The following RBFOX1 variants were observed in gnomAD, a reference collection of about 807,000 sequenced individuals.
The protein encoded by RBFOX1 is RNA binding protein fox-1 homolog 1.
RBFOX1 carries 8 observed loss-of-function variants against 57.7 expected under a neutral mutation model. The observed-to-expected ratio is 0.14, with a 90% confidence interval of 0.08 to 0.25. RBFOX1 has a LOEUF of 0.25. Ranked by LOEUF, RBFOX1 falls within the 10% of genes least tolerant of loss-of-function variation. The pLI is 1.00. For missense variants in RBFOX1, 611 were observed against 548.5 expected (o/e 1.11, Z -1.14); for synonymous variants, 326 against 222.4 (o/e 1.47, Z -4.15).
chr16:5,622,145 A>T (rs772532615), intron 3 of RBFOX1, among the ~76,000 whole-genome samples: 1 of 152,198 alleles, frequency 6.6e-6, no homozygotes. Flanking sequence ...TCAGCAACCA[A>T]TTCCACTTGG....
chr16:5,378,911 G>C (rs1321734912), intron 1 of RBFOX1, among the ~76,000 whole-genome samples: 1 of 151,408 alleles, frequency 6.6e-6, no homozygotes, highest in Non-Finnish European at 1.5e-5. Flanking sequence ...AGATTTCAAG[G>C]GCTTGGGATG....
intron 4 of RBFOX1, among the ~76,000 whole-genome samples, chr16:6,003,639 TTCC>T (rs1489965668): frequency 2.0e-5 from 3 of 152,220 alleles, no homozygotes; most frequent in Non-Finnish European, 4.4e-5. Flanking sequence ...GGTCTTTTCT[TTCC>T]TATTGGGATC....
chr16:6,161,613 A>T (rs754803314), intron 1 of RBFOX1, among the ~76,000 whole-genome samples: 66 of 152,166 alleles, frequency 4.3e-4, no homozygotes, highest in Admixed American at 9.8e-4. Context: ...TTCCATGGTG[A>T]CTTTCAAATG....
At chr16:7,064,274 T>C (rs567849531) in intron 4 of RBFOX1, among the ~76,000 whole-genome samples, 1 of 151,106 alleles carries the variant, frequency 6.6e-6, no homozygotes, top group South Asian at 2.1e-4. Context: ...GTTCAAGTAA[T>C]TGTCTTGCCT....
intron 4 of RBFOX1, among the ~76,000 whole-genome samples, chr16:5,905,190 C>T (rs1184524400): frequency 6.7e-6 from 1 of 150,284 alleles, no homozygotes; most frequent in Non-Finnish European, 1.5e-5. Context: ...GCCTCAGCCT[C>T]ACGAGTAGCT....
rs923097688 is a variant in RBFOX1, at chr16:6,553,787, T to C, written c.-63-100816T>C. Among the ~76,000 whole-genome samples the C allele has an allele frequency of 2.0e-5, 3 of 152,262 alleles. No homozygotes were observed. The East Asian group carries it at 5.8e-4, about 29-fold the overall frequency. On this transcript the variant is annotated intron_variant, in intron 2 of 15. Transcript: ENST00000550418. Reference sequence around the variant, plus strand: ...GGTGAACCAGGGAGGGACAGTTTCCTAAAGGGTAGAAGGAATTTCATGGAG... The same window carrying C: ...GGTGAACCAGGGAGGGACAGTTTCCCAAAGGGTAGAAGGAATTTCATGGAG...
intron 3 of RBFOX1, among the ~76,000 whole-genome samples, chr16:5,625,788 C>T (rs1033784511): frequency 7.2e-5 from 11 of 152,090 alleles, no homozygotes; most frequent in African/African-American, 2.4e-4. Context: ...AAACTCCTGA[C>T]CTCAGGTGAT....
intron 2 of RBFOX1, among the ~76,000 whole-genome samples, chr16:6,479,678 C>A (rs935594018): frequency 6.6e-6 from 1 of 152,064 alleles, no homozygotes; most frequent in Admixed American, 6.5e-5. Flanking sequence ...AAACTGCCCC[C>A]ATGATCCAAT....
At chr16:7,412,431 TAATAATAGGGGA>T (rs2098438615) in intron 4 of RBFOX1, among the ~76,000 whole-genome samples, 1 of 140,916 alleles carries the variant, frequency 7.1e-6, no homozygotes, top group East Asian at 2.1e-4. Flanking sequence ...AAAAAAAAGT[TAATAATAGGGGA>T]AATTGTGGAG....
At chr16:5,699,125 C>T (rs923633351) in intron 3 of RBFOX1, among the ~76,000 whole-genome samples, 3 of 151,500 alleles carry the variant, frequency 2.0e-5, no homozygotes, top group African/African-American at 4.9e-5. Flanking sequence ...GCAGCTGGGT[C>T]TATAGGTGCA....
At chr16:6,158,403 C>T (rs974010958) in intron 1 of RBFOX1, among the ~76,000 whole-genome samples, 2 of 152,142 alleles carry the variant, frequency 1.3e-5, no homozygotes, top group Non-Finnish European at 2.9e-5. Flanking sequence ...AATGGCAGCC[C>T]GTTCCAGTCT....
intron 3 of RBFOX1, among the ~76,000 whole-genome samples, chr16:6,708,890 C>G (rs949009371): frequency 1.3e-5 from 2 of 152,136 alleles, no homozygotes; most frequent in Admixed American, 6.5e-5. Context: ...TTTTCCTCTT[C>G]TCTGCTTCCC....
At chr16:7,693,343 G>C (rs868429991) in intron 14 of RBFOX1, 1 of 1,608,686 alleles carries the variant, frequency 6.2e-7, no homozygotes, top group Non-Finnish European at 8.5e-7. Context: ...TGCAGCAGAT[G>C]AAATTTCTTG....
intron 4 of RBFOX1, among the ~76,000 whole-genome samples, chr16:7,117,791 C>G (rs1187136167): frequency 6.6e-6 from 1 of 152,174 alleles, no homozygotes; most frequent in African/African-American, 2.4e-5. Flanking sequence ...TCAGCCAGGA[C>G]TGGGTTCTCA....
intron 3 of RBFOX1, among the ~76,000 whole-genome samples, chr16:5,743,018 A>G (rs879800910): frequency 1.3e-5 from 2 of 152,230 alleles, no homozygotes; most frequent in Non-Finnish European, 2.9e-5. Context: ...AGAGATAGCA[A>G]AGGATTAACT....
chr16:6,772,430 G>T (rs1237574443), intron 3 of RBFOX1, among the ~76,000 whole-genome samples: 1 of 147,380 alleles, frequency 6.8e-6, no homozygotes, highest in Non-Finnish European at 1.5e-5. Flanking sequence ...ACGTGCGTGT[G>T]TGTGTGTGTG....
At chr16:7,422,560 A>C (rs1169825018) in intron 4 of RBFOX1, among the ~76,000 whole-genome samples, 1 of 152,202 alleles carries the variant, frequency 6.6e-6, no homozygotes, top group African/African-American at 2.4e-5. Context: ...CAAATCAAAT[A>C]AAGTTCATAG....
chr16:6,716,954 T>A (rs1179102710), intron 3 of RBFOX1, among the ~76,000 whole-genome samples: 4 of 152,062 alleles, frequency 2.6e-5, no homozygotes, highest in African/African-American at 9.7e-5. Flanking sequence ...ATCACTAGAG[T>A]GGAGCCCTCA....
At chr16:6,483,378 C>A (rs968089058) in intron 2 of RBFOX1, 8 of 1,520,586 alleles carry the variant, frequency 5.3e-6, no homozygotes, top group African/African-American at 4.1e-5. Flanking sequence ...GCGCGCGGCG[C>A]GCACGACAGA....
Sources: allele counts gnomAD v4.1 joint callset (sites outside exome capture counted in the v4.1 genomes callset), GRCh38; gene constraint gnomAD v4.1.1; transcripts MANE v1.5; gene names NCBI Gene and HGNC (gene_info 2026-07-23, HGNC 2026-07-21).